Variants in MEI4 observed in about 807,000 individuals in gnomAD.
MEI4 encodes the protein meiosis-specific protein MEI4.
In MEI4, 27 loss-of-function variants were observed where a neutral mutation model predicts 31.4. The observed-to-expected ratio is 0.86, with a 90% CI of 0.63 to 1.19. The LOEUF (loss-of-function observed/expected upper bound fraction) is 1.19. MEI4 is among the 50% of genes most tolerant of loss of function. MEI4 has a pLI of 0.00. For missense variants in MEI4, 329 were observed against 398.9 expected (o/e 0.82, Z 1.49); for synonymous variants, 122 against 145.4 (o/e 0.84, Z 1.16).
intron 3 of MEI4, among the ~76,000 whole-genome samples, chr6:77,828,612 GAGCTTA>G (rs1212302972): frequency 2.0e-5 from 3 of 152,032 alleles, no homozygotes; most frequent in Non-Finnish European, 4.4e-5. Context: ...TAAAAGGTAA[GAGCTTA>G]AGTATCTTGA....
At chr6:77,765,067 A>C (rs905145334) in intron 3 of MEI4, among the ~76,000 whole-genome samples, 17 of 152,192 alleles carry the variant, frequency 1.1e-4, no homozygotes, top group African/African-American at 4.1e-4. Flanking sequence ...TCGAATTAGA[A>C]TTCTGAAGCT....
At chr6:77,887,387 C>A (rs957856652) in intron 4 of MEI4, among the ~76,000 whole-genome samples, 14 of 151,960 alleles carry the variant, frequency 9.2e-5, no homozygotes, top group African/African-American at 3.4e-4. Flanking sequence ...ACCTCCACCT[C>A]CCGGGTTGAA....
intron 4 of MEI4, among the ~76,000 whole-genome samples, chr6:77,845,305 A>G (rs1356374166): frequency 6.6e-6 from 1 of 152,122 alleles, no homozygotes; most frequent in East Asian, 1.9e-4. Context: ...CCAACTTCCA[A>G]AGATAATCCT....
intron 2 of MEI4, among the ~76,000 whole-genome samples, chr6:77,745,963 T>C (rs1019487569): frequency 6.6e-6 from 1 of 151,706 alleles, no homozygotes; most frequent in African/African-American, 2.4e-5. Context: ...TGGGACACAT[T>C]CAAAGCAGTG....
chr6:77,753,816 G>A (rs1031496117), intron 2 of MEI4, among the ~76,000 whole-genome samples: 3 of 152,114 alleles, frequency 2.0e-5, no homozygotes, highest in African/African-American at 4.8e-5. Context: ...GTTTGTTGCG[G>A]CACTGTTCAC....
intron 2 of MEI4, among the ~76,000 whole-genome samples, chr6:77,754,066 C>A (rs1170008527): frequency 6.6e-6 from 1 of 151,766 alleles, no homozygotes; most frequent in Non-Finnish European, 1.5e-5. Context: ...CACATGGACA[C>A]AGGGAGGGGA....
chr6:77,677,464 AT>A (rs1768865669), intron 1 of MEI4, among the ~76,000 whole-genome samples: 1 of 152,158 alleles, frequency 6.6e-6, no homozygotes, highest in African/African-American at 2.4e-5. Flanking sequence ...CATTCTTGAT[AT>A]CTTTTCTTCC....
intron 2 of MEI4, among the ~76,000 whole-genome samples, chr6:77,744,484 T>C (rs1031679683): frequency 2.6e-5 from 4 of 151,998 alleles, no homozygotes; most frequent in African/African-American, 9.6e-5. Context: ...AGACCAAATC[T>C]ACGTCTGATT....
chr6:77,888,816 G>C (rs1771686919), intron 4 of MEI4, among the ~76,000 whole-genome samples: 1 of 152,068 alleles, frequency 6.6e-6, no homozygotes, highest in African/African-American at 2.4e-5. Context: ...GTTGTGGGAG[G>C]GACCCAGTGG....
At chr6:77,812,349 G>T (rs1769592521) in intron 3 of MEI4, among the ~76,000 whole-genome samples, 1 of 151,976 alleles carries the variant, frequency 6.6e-6, no homozygotes, top group African/African-American at 2.4e-5. Flanking sequence ...GTTTAAATAT[G>T]CAAAATTCTA....
At chr6:77,910,348 ACTTCAGC>A (rs1766404334) in intron 4 of MEI4, among the ~76,000 whole-genome samples, 1 of 152,200 alleles carries the variant, frequency 6.6e-6, no homozygotes, top group African/African-American at 2.4e-5. Flanking sequence ...CTGATAGGCA[ACTTCAGC>A]AAAGTCTCAA....
At chr6:77,796,237 A>G (rs961912015) in intron 3 of MEI4, among the ~76,000 whole-genome samples, 4 of 152,162 alleles carry the variant, frequency 2.6e-5, no homozygotes, top group African/African-American at 9.6e-5. Flanking sequence ...CATTATAAAG[A>G]CCATGTATGA....
In MEI4 at chr6:77,789,500, T is replaced by C. The variant is rs530626865; in HGVS notation, c.768+27835T>C. Among the ~76,000 whole-genome samples, 63 of 152,322 alleles carry C rather than the reference T, an allele frequency of 4.1e-4. 1 individual carries two copies. The highest frequency in any genetic ancestry group is 7.3e-5 in the Non-Finnish European group (5 of 68,040). Reference sequence around the variant, plus strand: ...AGAATGGGAGAAAATTTTTGCAATCTACTCATCTGACAAAGGGCTAATATC... The same window carrying C: ...AGAATGGGAGAAAATTTTTGCAATCCACTCATCTGACAAAGGGCTAATATC... On this transcript the variant is annotated intron_variant, in intron 3 of 4. Coordinates refer to ENST00000684080, the MANE Select transcript of MEI4 (RefSeq NM_001322247.2).
At position 77,754,806 on chromosome 6, in the gene MEI4, A is replaced by G. The variant is rs114127167; in HGVS notation, c.233-6324A>G. Among the ~76,000 whole-genome samples the G allele has an allele frequency of 3.8e-3, 572 of 152,200 alleles. 3 individuals are homozygous for G. Among genetic ancestry groups the G allele is most frequent in the African/African-American group, 0.013 (554 of 41,516 alleles). The stretch of plus-strand genomic sequence containing the variant: ...ATGCGGAGAGAGAGAGTGAAGGGGG[A>G]AAGAGCCCCTTATAAAACCACCAGA... On this transcript the variant is annotated intron_variant, in intron 2 of 4. Transcript: ENST00000684080.
intron 2 of MEI4, among the ~76,000 whole-genome samples, chr6:77,700,437 G>A (rs866275063): frequency 4.6e-5 from 7 of 152,282 alleles, no homozygotes; most frequent in East Asian, 1.9e-4. Flanking sequence ...TTTTAAGCCC[G>A]TTGGAAAAGC....
At chr6:77,916,164 T>C (rs1766539967) in intron 4 of MEI4, among the ~76,000 whole-genome samples, 1 of 152,098 alleles carries the variant, frequency 6.6e-6, no homozygotes, top group African/African-American at 2.4e-5. Flanking sequence ...ATGAATTACT[T>C]TTTCTGATTT....
intron 4 of MEI4, among the ~76,000 whole-genome samples, chr6:77,866,719 A>G (rs910338751): frequency 8.6e-5 from 13 of 151,374 alleles, no homozygotes; most frequent in Non-Finnish European, 1.3e-4. Flanking sequence ...AGAATTGGAA[A>G]AAACTAAAGT....
At chr6:77,657,371 C>T (rs1768415905) in intron 1 of MEI4, among the ~76,000 whole-genome samples, 1 of 152,192 alleles carries the variant, frequency 6.6e-6, no homozygotes, top group Admixed American at 6.5e-5. Flanking sequence ...GGATCCATCA[C>T]TTCATTGACC....
chr6:77,894,066 G>A (rs1487798860), intron 4 of MEI4, among the ~76,000 whole-genome samples: 3 of 152,040 alleles, frequency 2.0e-5, no homozygotes, highest in Non-Finnish European at 1.5e-5. Flanking sequence ...ATTATCTTCA[G>A]GCACCAGAAT....
Sources: allele counts gnomAD v4.1 joint callset (sites outside exome capture counted in the v4.1 genomes callset), GRCh38; gene constraint gnomAD v4.1.1; transcripts MANE v1.5; gene names NCBI Gene and HGNC (gene_info 2026-07-23, HGNC 2026-07-21).